CA10: variants seen among roughly 807,000 people sequenced by gnomAD.
CA10 encodes the protein carbonic anhydrase-related protein 10.
A neutral mutation model predicts 44.2 loss-of-function variants in CA10; 14 were observed. That is an observed-to-expected ratio of 0.32 (90% CI 0.21 to 0.50). The LOEUF (loss-of-function observed/expected upper bound fraction) is 0.50, where lower values mean the gene tolerates loss of function less well. Ranked by LOEUF, CA10 falls within the 20% of genes least tolerant of loss-of-function variation. The probability of loss-of-function intolerance (pLI) is 0.99; values close to 1 mark genes in which losing one functional copy is unlikely to be tolerated. For synonymous variants in CA10, 159 were observed against 141.6 expected (o/e 1.12, Z -0.87); for missense variants, 350 against 409.7 (o/e 0.85, Z 1.26).
At chr17:51,675,198 G>A (rs572175865) in intron 4 of CA10, among the ~76,000 whole-genome samples, 1 of 152,306 alleles carries the variant, frequency 6.6e-6, no homozygotes, top group Non-Finnish European at 1.5e-5. Context: ...GTTTGGAGGA[G>A]TAATTAGCAT....
intron 3 of CA10, among the ~76,000 whole-genome samples, chr17:51,920,503 C>T (rs1249550857): frequency 1.3e-5 from 2 of 152,020 alleles, no homozygotes; most frequent in Non-Finnish European, 2.9e-5. Flanking sequence ...GAGTAAAGTC[C>T]TTTCTAATAC....
At chr17:52,096,279 G>A in intron 1 of CA10, among the ~76,000 whole-genome samples, 1 of 152,088 alleles carries the variant, frequency 6.6e-6, no homozygotes, top group East Asian at 1.9e-4. Flanking sequence ...GGAACTTAGT[G>A]GGTGTTCTCA....
chr17:51,762,790 A>G (rs1905251264), intron 3 of CA10: 1 of 152,200 alleles, frequency 6.6e-6, no homozygotes, highest in Non-Finnish European at 1.5e-5. Context: ...GAGAATTTGA[A>G]TGCACATCTG....
intron 3 of CA10, among the ~76,000 whole-genome samples, chr17:51,867,511 T>C (rs1181866205): frequency 2.6e-5 from 4 of 152,216 alleles, no homozygotes; most frequent in African/African-American, 9.6e-5. Context: ...TGAGACGAGA[T>C]GCTCACAGTG....
intron 4 of CA10, among the ~76,000 whole-genome samples, chr17:51,726,534 CAT>C (rs900069239): frequency 1.3e-4 from 20 of 152,256 alleles, no homozygotes; most frequent in African/African-American, 4.6e-4. Flanking sequence ...TATTTCAAAA[CAT>C]GTTATACACC....
chr17:51,719,968 G>C (rs187978317), intron 4 of CA10, among the ~76,000 whole-genome samples: 1 of 152,134 alleles, frequency 6.6e-6, no homozygotes, highest in Non-Finnish European at 1.5e-5. Flanking sequence ...GCTGGAGTTT[G>C]GTGCTCAACT....
chr17:51,832,786 T>C (rs998087559), intron 3 of CA10, among the ~76,000 whole-genome samples: 4 of 152,280 alleles, frequency 2.6e-5, no homozygotes, highest in African/African-American at 9.6e-5. Flanking sequence ...ATCACATTAC[T>C]GGAGATAAAT....
At chr17:51,852,124 C>T (rs1978821910) in intron 3 of CA10, among the ~76,000 whole-genome samples, 1 of 152,186 alleles carries the variant, frequency 6.6e-6, no homozygotes, top group Admixed American at 6.5e-5. Flanking sequence ...ATCATGCAGC[C>T]TTTAAACCTT....
At chr17:51,895,346 C>T (rs959707814) in intron 3 of CA10, among the ~76,000 whole-genome samples, 14 of 151,946 alleles carry the variant, frequency 9.2e-5, no homozygotes, top group Admixed American at 5.9e-4. Context: ...TAAAGAAGTA[C>T]GTTTTCAAGC....
intron 3 of CA10, among the ~76,000 whole-genome samples, chr17:51,798,821 A>T (rs955976190): frequency 6.6e-6 from 1 of 152,214 alleles, no homozygotes; most frequent in African/African-American, 2.4e-5. Context: ...AGTAAGTTTT[A>T]ATTAAAGTTA....
At chr17:51,886,699 T>C (rs1255000404) in intron 3 of CA10, among the ~76,000 whole-genome samples, 1 of 152,182 alleles carries the variant, frequency 6.6e-6, no homozygotes, top group Non-Finnish European at 1.5e-5. Flanking sequence ...GATTAGCATT[T>C]GAATCAGTAG....
At position 52,142,199 on chromosome 17, in the gene CA10, G is replaced by A. The variant is rs573244762; in HGVS notation, c.61+15527C>T. ...AATTGGAGCAAAGTTGGAAAGGTCA[G>A]TCTATGGCACATCATGGAAGACTTT... On this transcript the variant is annotated intron_variant, in intron 1 of 8. Coordinates refer to ENST00000451037, the MANE Select transcript of CA10 (RefSeq NM_020178.5). Among the ~76,000 whole-genome samples, 4 of 152,320 alleles carry A rather than the reference G, an allele frequency of 2.6e-5. No homozygotes were observed. The South Asian group carries it at 6.2e-4, about 24-fold the overall frequency.
intron 3 of CA10, among the ~76,000 whole-genome samples, chr17:51,847,680 A>G (rs1210410273): frequency 2.0e-5 from 3 of 152,176 alleles, no homozygotes; most frequent in Non-Finnish European, 4.4e-5. Context: ...TCAGTGGGAT[A>G]TGGTATTTGT....
At chr17:52,041,471 A>G (rs966269465) in intron 2 of CA10, among the ~76,000 whole-genome samples, 2 of 152,122 alleles carry the variant, frequency 1.3e-5, no homozygotes, top group Non-Finnish European at 1.5e-5. Context: ...TAAAAATTGT[A>G]TATATTTAAG....
intron 2 of CA10, among the ~76,000 whole-genome samples, chr17:52,027,262 A>C (rs899115434): frequency 6.6e-6 from 1 of 151,970 alleles, no homozygotes; most frequent in African/African-American, 2.4e-5. Flanking sequence ...AGTCATGGGG[A>C]GTGGCTGTAA....
At chr17:52,022,403 TC>T (rs1256374491) in intron 2 of CA10, among the ~76,000 whole-genome samples, 1 of 151,988 alleles carries the variant, frequency 6.6e-6, no homozygotes, top group African/African-American at 2.4e-5. Flanking sequence ...AAATCCAACA[TC>T]CCTTCATGAT....
chr17:51,801,871 A>ATTT (rs1715441271), intron 3 of CA10, among the ~76,000 whole-genome samples: 1 of 152,196 alleles, frequency 6.6e-6, no homozygotes. Context: ...TATTTGACAC[A>ATTT]TGTAAGATTT....
intron 2 of CA10, among the ~76,000 whole-genome samples, chr17:52,004,870 G>T (rs1985544581): frequency 1.3e-5 from 2 of 151,834 alleles, no homozygotes; most frequent in African/African-American, 2.4e-5. Flanking sequence ...GTAAAATTAT[G>T]AAAATCCCCA....
At chr17:51,860,162 C>T (rs1398574491) in intron 3 of CA10, among the ~76,000 whole-genome samples, 3 of 152,160 alleles carry the variant, frequency 2.0e-5, no homozygotes, top group Non-Finnish European at 4.4e-5. Flanking sequence ...CCCTTTCTCC[C>T]CTAGTCTCTT....
Sources: allele counts gnomAD v4.1 joint callset (sites outside exome capture counted in the v4.1 genomes callset), GRCh38; gene constraint gnomAD v4.1.1; transcripts MANE v1.5; gene names NCBI Gene and HGNC (gene_info 2026-07-23, HGNC 2026-07-21).